PLOD2: variants seen among roughly 807,000 people sequenced by gnomAD.
PLOD2 encodes the protein procollagen-lysine,2-oxoglutarate 5-dioxygenase 2.
In PLOD2, 65 loss-of-function variants were observed where a neutral mutation model predicts 101.0. That is an observed-to-expected ratio of 0.64 (90% CI 0.53 to 0.79). The LOEUF (loss-of-function observed/expected upper bound fraction) is 0.79, where lower values mean the gene tolerates loss of function less well. Ranked by LOEUF, PLOD2 falls within the 30% of genes least tolerant of loss-of-function variation. The pLI is 0.00. For missense variants in PLOD2, 909 were observed against 914.6 expected (o/e 0.99, Z 0.08); for synonymous variants, 314 against 302.9 (o/e 1.04, Z -0.38).
At chr3:146,092,986 A>T (rs1937027512) in intron 7 of PLOD2, among the ~76,000 whole-genome samples, 1 of 152,132 alleles carries the variant, frequency 6.6e-6, no homozygotes, top group South Asian at 2.1e-4. Context: ...ATGATCAATA[A>T]TTTTTCATTG....
intron 3 of PLOD2, among the ~76,000 whole-genome samples, chr3:146,112,326 A>T (rs564237272): frequency 7.2e-5 from 11 of 152,250 alleles, no homozygotes; most frequent in Non-Finnish European, 1.3e-4. Context: ...CCATAAAAAG[A>T]ATGAGTTCAT....
At chr3:146,090,322 A>G (rs3804667) in intron 8 of PLOD2, among the ~76,000 whole-genome samples, 117,498 of 151,128 alleles carry the variant, frequency 0.78, 45,759 homozygotes, top group East Asian at 0.83. Flanking sequence ...TAATTTTATT[A>G]TGCATAATGG....
intron 7 of PLOD2, among the ~76,000 whole-genome samples, chr3:146,097,795 T>TA (rs753043092): frequency 3.2e-4 from 41 of 127,094 alleles, no homozygotes; most frequent in African/African-American, 8.4e-4. Flanking sequence ...GAATGATCAA[T>TA]AAAAAAAAAA....
chr3:146,098,820 A>T (rs1412298726), intron 7 of PLOD2, among the ~76,000 whole-genome samples: 2 of 152,154 alleles, frequency 1.3e-5, no homozygotes, highest in African/African-American at 2.4e-5. Flanking sequence ...CAAAATAATA[A>T]GTAAAACTAA....
rs529512146 is a variant in PLOD2 at position 146,119,817 on chromosome 3, C to T, written c.338+1295G>A. 9.9e-5 allele frequency among the ~76,000 whole-genome samples: 15 copies of T among 152,242 alleles called. No individual in the cohort carries two copies. In the East Asian group the frequency reaches 2.7e-3, roughly 27 times the overall value. ...ATAGTATTCCATGGTGTGTATGTGCCACATTTTCTTAATCCAGTCTATCAT... is the reference window on the plus strand; with the variant it reads ...ATAGTATTCCATGGTGTGTATGTGCTACATTTTCTTAATCCAGTCTATCAT... On this transcript the variant is annotated intron_variant, in intron 3 of 19. Coordinates refer to ENST00000282903, the MANE Select transcript of PLOD2 (RefSeq NM_182943.3).
chr3:146,113,311 T>A (rs1049177025), intron 3 of PLOD2, among the ~76,000 whole-genome samples: 3 of 152,204 alleles, frequency 2.0e-5, no homozygotes, highest in Non-Finnish European at 4.4e-5. Context: ...TTAAATACTT[T>A]AGAAAAGTTA....
intron 1 of PLOD2, among the ~76,000 whole-genome samples, chr3:146,144,008 G>A (rs552549003): frequency 2.0e-4 from 31 of 152,028 alleles, no homozygotes; most frequent in East Asian, 7.8e-4. Context: ...AGCTAAGAGC[G>A]TTTATACTGT....
chr3:146,155,008 A>G (rs966274026), intron 1 of PLOD2, among the ~76,000 whole-genome samples: 8 of 152,272 alleles, frequency 5.3e-5, no homozygotes, highest in Non-Finnish European at 8.8e-5. Context: ...CTCTGAAAAC[A>G]AAAACTTATT....
chr3:146,077,005 T>A, intron 14 of PLOD2, 110 bp from the exon 15 acceptor site: 1 of 1,277,084 alleles, frequency 7.8e-7, no homozygotes, highest in South Asian at 1.7e-5. Flanking sequence ...ATTTCATTTA[T>A]GAACATGCAT....
chr3:146,105,983 C>T (rs377669841), intron 5 of PLOD2, among the ~76,000 whole-genome samples: 1 of 152,186 alleles, frequency 6.6e-6, no homozygotes, highest in African/African-American at 2.4e-5. Flanking sequence ...TACAAGAATA[C>T]ACATTTCTAA....
In PLOD2 at chr3:146,096,820, G is replaced by A. The variant is rs1490845653; in HGVS notation, c.778-4919C>T. On this transcript the variant is annotated intron_variant, in intron 7 of 19. Transcript: ENST00000282903. ...AGGTGAGGGGCTCCTCTGCCCGGCC[G>A]CCCCTACTGGGAAGTGAGGAGCCCC... 1.7e-3 allele frequency among the ~76,000 whole-genome samples: 229 copies of A among 136,248 alleles called. 2 individuals are homozygous for A. Among genetic ancestry groups the A allele is most frequent in the African/African-American group, 6.2e-3 (223 of 35,770 alleles). The allele number at this position is 136,248 out of a possible 152,430, so 89.4% of individuals were successfully genotyped here.
chr3:146,114,763 A>C (rs967575947), intron 3 of PLOD2, among the ~76,000 whole-genome samples: 40 of 152,166 alleles, frequency 2.6e-4, no homozygotes, highest in Non-Finnish European at 5.9e-5. Context: ...AAGAAAGAGG[A>C]AGACATGAAA....
intron 8 of PLOD2, among the ~76,000 whole-genome samples, chr3:146,090,995 A>C (rs1346150638): frequency 1.3e-5 from 2 of 151,898 alleles, no homozygotes; most frequent in Non-Finnish European, 3.0e-5. Context: ...TTTGGAATAA[A>C]AATGTTGTTG....
intron 3 of PLOD2, among the ~76,000 whole-genome samples, chr3:146,120,334 T>C (rs574282671): frequency 5.2e-4 from 79 of 152,332 alleles, no homozygotes; most frequent in African/African-American, 1.9e-3. Context: ...TTGTAGATTC[T>C]GGATATTAGC....
intron 12 of PLOD2, among the ~76,000 whole-genome samples, chr3:146,080,162 T>C (rs1190671978): frequency 2.0e-5 from 3 of 151,940 alleles, no homozygotes; most frequent in Non-Finnish European, 2.9e-5. Flanking sequence ...CCGCCTTATG[T>C]GAGGGTGATA....
chr3:146,071,894 A>G (rs1936153595), intron 17 of PLOD2, among the ~76,000 whole-genome samples: 1 of 151,600 alleles, frequency 6.6e-6, no homozygotes, highest in South Asian at 2.1e-4. Flanking sequence ...ATTGCTTTTC[A>G]TTATTTCATC....
intron 15 of PLOD2, among the ~76,000 whole-genome samples, chr3:146,075,771 CA>C (rs1936311561): frequency 1.3e-5 from 2 of 151,432 alleles, no homozygotes; most frequent in South Asian, 4.1e-4. Context: ...TTTGAATACA[CA>C]AAACAAAAAT....
intron 1 of PLOD2, among the ~76,000 whole-genome samples, chr3:146,149,675 A>G (rs1050531187): frequency 3.9e-5 from 6 of 152,172 alleles, no homozygotes; most frequent in African/African-American, 7.2e-5. Flanking sequence ...TTTTTCTTCA[A>G]CCTAATATAC....
intron 3 of PLOD2, 120 bp from the exon 4 acceptor site, chr3:146,110,568 G>C (rs1258559630): frequency 1.4e-6 from 1 of 711,556 alleles, no homozygotes; most frequent in East Asian, 2.7e-5. Context: ...TAATACCTGT[G>C]CCAACTATTT....
Sources: gnomAD v4.1 joint callset for allele counts (sites outside exome capture counted in the v4.1 genomes callset) on GRCh38, gnomAD v4.1.1 for gene constraint, MANE v1.5 for transcripts, NCBI Gene and HGNC (gene_info 2026-07-23, HGNC 2026-07-21) for gene names.